Variants in TMEM132D observed in about 807,000 individuals in gnomAD.
TMEM132D encodes the protein mature OL transmembrane protein.
A neutral mutation model predicts 62.3 loss-of-function variants in TMEM132D; 21 were observed. The ratio of observed to expected loss-of-function variants is 0.34; its 90% CI spans 0.24 to 0.49. The LOEUF (loss-of-function observed/expected upper bound fraction) is 0.49, where lower values mean the gene tolerates loss of function less well. Ranked by LOEUF, TMEM132D falls within the 20% of genes least tolerant of loss-of-function variation. The probability of loss-of-function intolerance (pLI) is 0.99; values close to 1 mark genes in which losing one functional copy is unlikely to be tolerated. For synonymous variants in TMEM132D, 621 were observed against 575.6 expected (o/e 1.08, Z -1.13); for missense variants, 1,346 against 1,402.8 (o/e 0.96, Z 0.65).
intron 1 of TMEM132D, among the ~76,000 whole-genome samples, chr12:129,851,807 C>T (rs1873552570): frequency 6.6e-6 from 1 of 152,210 alleles, no homozygotes; most frequent in African/African-American, 2.4e-5. Context: ...TTGTGAGCCA[C>T]AGGGTCTTTG....
intron 5 of TMEM132D, among the ~76,000 whole-genome samples, chr12:129,116,918 C>CAAAAAAAAAAAAAAAAAAAAAAAAAAAAA (rs60513263): frequency 3.4e-5 from 2 of 58,988 alleles, no homozygotes; most frequent in Admixed American, 2.6e-4. Context: ...AAAATTTCCG[C>CAAAAAAAAAAAAAAAAAAAAAAAAAAAAA]AAAAAAAAAA....
At chr12:129,221,513 T>C (rs941574998) in intron 4 of TMEM132D, among the ~76,000 whole-genome samples, 1 of 152,218 alleles carries the variant, frequency 6.6e-6, no homozygotes, top group East Asian at 1.9e-4. Context: ...TGCTCAGATA[T>C]GAAACCTCAA....
intron 4 of TMEM132D, among the ~76,000 whole-genome samples, chr12:129,223,759 C>A (rs1879410476): frequency 6.6e-6 from 1 of 152,140 alleles, no homozygotes; most frequent in Non-Finnish European, 1.5e-5. Context: ...TACTTTTATA[C>A]TCTCAAGGAT....
chr12:129,152,589 G>A (rs535256672), intron 5 of TMEM132D, among the ~76,000 whole-genome samples: 19 of 152,228 alleles, frequency 1.2e-4, no homozygotes, highest in African/African-American at 1.9e-4. Context: ...ATCTCCACCC[G>A]CCCCTGCAGG....
intron 4 of TMEM132D, among the ~76,000 whole-genome samples, chr12:129,246,239 G>A (rs568874691): frequency 7.9e-5 from 12 of 152,280 alleles, no homozygotes; most frequent in Admixed American, 5.2e-4. Context: ...TGAGTATATA[G>A]AAGATAAAAA....
chr12:129,393,476 G>T (rs562907918), intron 3 of TMEM132D, among the ~76,000 whole-genome samples: 2 of 152,176 alleles, frequency 1.3e-5, no homozygotes, highest in Non-Finnish European at 2.9e-5. Flanking sequence ...CTGAGAGTGC[G>T]TTAAGGGGTT....
At chr12:129,795,982 T>TC (rs1217160672) in intron 1 of TMEM132D, among the ~76,000 whole-genome samples, 3 of 152,128 alleles carry the variant, frequency 2.0e-5, no homozygotes. Flanking sequence ...TTTCCTTTTT[T>TC]CCCATGTTCC....
intron 5 of TMEM132D, among the ~76,000 whole-genome samples, chr12:129,147,470 T>C (rs1876945291): frequency 2.6e-5 from 4 of 152,152 alleles, no homozygotes; most frequent in Non-Finnish European, 4.4e-5. Context: ...CTTTCATAAC[T>C]ACTGCAGTAT....
At chr12:129,239,311 T>C (rs1423337562) in intron 4 of TMEM132D, among the ~76,000 whole-genome samples, 5 of 152,226 alleles carry the variant, frequency 3.3e-5, no homozygotes, top group African/African-American at 1.2e-4. Flanking sequence ...TTTTTCGTTA[T>C]GTTTCTTTCT....
chr12:129,083,533 A>G (rs1166632882), intron 6 of TMEM132D, among the ~76,000 whole-genome samples: 1 of 152,140 alleles, frequency 6.6e-6, no homozygotes, highest in South Asian at 2.1e-4. Context: ...AGAAAGAATC[A>G]TTGCTGAAGC....
intron 4 of TMEM132D, among the ~76,000 whole-genome samples, chr12:129,226,086 A>T (rs1178759470): frequency 6.6e-6 from 1 of 152,198 alleles, no homozygotes; most frequent in Non-Finnish European, 1.5e-5. Flanking sequence ...TTCAAGGGTG[A>T]TGTTGATTGC....
intron 3 of TMEM132D, among the ~76,000 whole-genome samples, chr12:129,448,237 C>T (rs1308900707): frequency 6.6e-6 from 1 of 152,048 alleles, no homozygotes; most frequent in East Asian, 1.9e-4. Flanking sequence ...CTTCTCTTTT[C>T]TAAGTTATGG....
At chr12:129,340,178 T>C (rs1869422458) in intron 3 of TMEM132D, among the ~76,000 whole-genome samples, 1 of 152,212 alleles carries the variant, frequency 6.6e-6, no homozygotes, top group South Asian at 2.1e-4. Context: ...GTGATTGTTC[T>C]ATACATTTAG....
At chr12:129,730,133 G>A (rs542472916) in intron 1 of TMEM132D, among the ~76,000 whole-genome samples, 1 of 152,118 alleles carries the variant, frequency 6.6e-6, no homozygotes, top group Non-Finnish European at 1.5e-5. Flanking sequence ...CTCTTATACG[G>A]ACGTGAGTAA....
rs115703714 is a variant in TMEM132D at position 129,746,202 on chromosome 12, T to C, written c.80-45504A>G. Among the ~76,000 whole-genome samples the C allele has an allele frequency of 8.9e-3, 1,351 of 152,252 alleles. 20 individuals are homozygous for C. The highest frequency in any genetic ancestry group is 0.031 in the African/African-American group (1,281 of 41,548). Reference sequence around the variant, plus strand: ...GTGCAAAGGGAGCACAGTAAGAGAATTGGCAGAGGGTCAAGGTGGGCAGTT... The same window carrying C: ...GTGCAAAGGGAGCACAGTAAGAGAACTGGCAGAGGGTCAAGGTGGGCAGTT... On this transcript the variant is annotated intron_variant, in intron 1 of 8. Transcript: ENST00000422113.
At chr12:129,881,705 G>A (rs1453986849) in intron 1 of TMEM132D, among the ~76,000 whole-genome samples, 2 of 151,750 alleles carry the variant, frequency 1.3e-5, no homozygotes, top group African/African-American at 4.8e-5. Context: ...CTCAAAAACT[G>A]ATCTAATCTT....
chr12:129,765,062 C>A (rs2137278124), intron 1 of TMEM132D, among the ~76,000 whole-genome samples: 1 of 152,320 alleles, frequency 6.6e-6, no homozygotes, highest in African/African-American at 2.4e-5. Flanking sequence ...AGAATCAAAT[C>A]ATTGCTCTAA....
intron 4 of TMEM132D, among the ~76,000 whole-genome samples, chr12:129,231,484 C>T (rs570666188): frequency 5.3e-5 from 8 of 152,308 alleles, no homozygotes; most frequent in Admixed American, 2.0e-4. Context: ...AGCAGTCAAA[C>T]GTCATCAGAT....
intron 3 of TMEM132D, among the ~76,000 whole-genome samples, chr12:129,420,311 T>TTTTTTG (rs1203673329): frequency 2.2e-4 from 9 of 40,298 alleles, no homozygotes; most frequent in African/African-American, 5.2e-4. Context: ...TCTCTGTTTT[T>TTTTTTG]TTTTTTTTTT....
Sources: gnomAD v4.1 joint callset for allele counts (sites outside exome capture counted in the v4.1 genomes callset) on GRCh38, gnomAD v4.1.1 for gene constraint, MANE v1.5 for transcripts, NCBI Gene and HGNC (gene_info 2026-07-23, HGNC 2026-07-21) for gene names.